Variants in DNAH14 observed in about 807,000 individuals in gnomAD.
The protein encoded by DNAH14 is axonemal beta dynein heavy chain 14.
Under a neutral mutation model 520.9 loss-of-function variants are expected in DNAH14, and 478 were observed. The observed-to-expected ratio is 0.92, with a 90% confidence interval of 0.85 to 0.99. DNAH14 has a LOEUF of 0.99. DNAH14 is among the 50% of genes least tolerant of loss of function. The pLI is 0.00. For missense variants in DNAH14, 4,831 were observed against 5,234.5 expected (o/e 0.92, Z 2.38); for synonymous variants, 1,581 against 1,757.2 (o/e 0.90, Z 2.51).
intron 56 of DNAH14, among the ~76,000 whole-genome samples, chr1:225,302,434 G>T (rs1353483055): frequency 1.3e-5 from 2 of 152,124 alleles, no homozygotes; most frequent in African/African-American, 4.8e-5. Context: ...GACAAAATAA[G>T]TTGCTTGATG....
rs2087235452 is a variant in DNAH14, at chr1:225,204,200, C to T, written c.5904C>T (p.Ser1968=). 1 of 1,464,342 alleles carries T rather than the reference C, an allele frequency of 6.8e-7. No homozygotes were observed. The highest frequency in any genetic ancestry group is 9.0e-7 in the Non-Finnish European group (1 of 1,115,310). 90.7% of individuals were successfully genotyped at this position (1,464,342 alleles called of 1,614,324 possible). The change falls in exon 39 of 86, where the codon TCC becomes TCT. Residue 1968 remains serine (S), a synonymous_variant. Coordinates refer to ENST00000682510, the MANE Select transcript of DNAH14 (RefSeq NM_001367479.1). ...SDLSNVFKLD[S]SDTTETDDNI... ...TATTTTAGGTTTTCAAACTTGATTC[C>T]TCTGATACAACAGAGACTGATGATA...
intron 26 of DNAH14, among the ~76,000 whole-genome samples, chr1:225,119,935 C>CATAT (rs766761717): frequency 4.1e-4 from 63 of 152,178 alleles, no homozygotes; most frequent in Non-Finnish European, 2.9e-4. Context: ...GATTTACTTA[C>CATAT]ATAAATAACC....
intron 15 of DNAH14, among the ~76,000 whole-genome samples, chr1:225,048,427 A>T (rs919901002): frequency 2.6e-5 from 4 of 152,194 alleles, no homozygotes; most frequent in Non-Finnish European, 5.9e-5. Flanking sequence ...GCCTGAGCCC[A>T]GGAGGTCAAG....
intron 26 of DNAH14, among the ~76,000 whole-genome samples, chr1:225,120,541 G>A (rs1045888726): frequency 6.6e-6 from 1 of 152,210 alleles, no homozygotes; most frequent in African/African-American, 2.4e-5. Flanking sequence ...TTTTGTTTGA[G>A]TCAAATTGTA....
At chr1:225,178,207 T>C (rs1037115571) in intron 36 of DNAH14, among the ~76,000 whole-genome samples, 1 of 152,206 alleles carries the variant, frequency 6.6e-6, no homozygotes, top group Non-Finnish European at 1.5e-5. Flanking sequence ...GGAATGGCTA[T>C]GTATTAGTCT....
At chr1:225,052,651 TCA>T (rs2068653486) in intron 17 of DNAH14, among the ~76,000 whole-genome samples, 1 of 152,018 alleles carries the variant, frequency 6.6e-6, no homozygotes, top group Non-Finnish European at 1.5e-5. Flanking sequence ...AGGTGAACAA[TCA>T]CAGACAATTT....
At chr1:225,018,420 A>G (rs2065387711) in intron 10 of DNAH14, among the ~76,000 whole-genome samples, 1 of 152,220 alleles carries the variant, frequency 6.6e-6, no homozygotes, top group Non-Finnish European at 1.5e-5. Flanking sequence ...AAGGTTCTTA[A>G]CCAGATTGAG....
chr1:225,380,436 G>T (rs2095765354), intron 80 of DNAH14, 114 bp downstream of exon 80: 2 of 1,203,906 alleles, frequency 1.7e-6, no homozygotes, highest in Admixed American at 6.4e-5. Context: ...AAAATACTGA[G>T]ATAAGATGGA....
intron 75 of DNAH14, among the ~76,000 whole-genome samples, chr1:225,362,886 A>T (rs1008223154): frequency 2.0e-5 from 3 of 152,208 alleles, no homozygotes; most frequent in African/African-American, 7.2e-5. Flanking sequence ...CAAAATATGC[A>T]GCATAATTAT....
chr1:225,248,724 T>C (rs949965070), intron 43 of DNAH14, among the ~76,000 whole-genome samples: 5 of 152,136 alleles, frequency 3.3e-5, no homozygotes, highest in African/African-American at 1.2e-4. Context: ...GCAGTTCAAC[T>C]TGAGGAAGGA....
chr1:224,967,435 C>A lies in DNAH14; in HGVS notation c.503C>A (p.Pro168His). ...TTATTTTTTTTTTAATCTCAGAAACCTTTGGAAGATGATGGAGAATTTGTT... is the reference window on the plus strand; with the variant it reads ...TTATTTTTTTTTTAATCTCAGAAACATTTGGAAGATGATGGAGAATTTGTT... ...IAIQKITLKK[P>H]LEDDGEFVYC... is the part of the protein sequence containing the mutation. The change falls in exon 6 of 86, where the codon CCT becomes CAT. Residue 168 changes from proline (P) to histidine (H), a missense_variant. By Grantham distance (77) the Pro-to-His change is moderately conservative. Coordinates refer to ENST00000682510, the MANE Select transcript of DNAH14 (RefSeq NM_001367479.1). The A allele has an allele frequency of 6.5e-7, 1 of 1,529,492 alleles. No homozygotes were observed. Among genetic ancestry groups the A allele is most frequent in the Non-Finnish European group, 8.7e-7 (1 of 1,146,612 alleles). The allele number at this position is 1,529,492 out of a possible 1,614,324, so 94.7% of individuals were successfully genotyped here. A position where few individuals can be genotyped will look rare whatever the true frequency, so the allele number is the denominator to read the frequency against.
intron 55 of DNAH14, among the ~76,000 whole-genome samples, chr1:225,294,858 A>G (rs1227374775): frequency 6.6e-6 from 1 of 151,200 alleles, no homozygotes; most frequent in African/African-American, 2.4e-5. Context: ...TTCAGCAGTG[A>G]GGCCATCCAG....
At chr1:225,155,365 G>A (rs1006763122) in intron 34 of DNAH14, among the ~76,000 whole-genome samples, 1 of 151,996 alleles carries the variant, frequency 6.6e-6, no homozygotes, top group East Asian at 1.9e-4. Context: ...GTATAAAAAG[G>A]GAGCAAAGGA....
At chr1:225,362,967 T>C (rs1480016000) in intron 75 of DNAH14, among the ~76,000 whole-genome samples, 1 of 152,164 alleles carries the variant, frequency 6.6e-6, no homozygotes, top group Non-Finnish European at 1.5e-5. Flanking sequence ...TAAACTCATT[T>C]AGTGGGATTA....
At chr1:225,078,894 CTCT>C (rs2072756263) in intron 17 of DNAH14, among the ~76,000 whole-genome samples, 6 of 136,918 alleles carry the variant, frequency 4.4e-5, no homozygotes, top group African/African-American at 1.7e-4. Flanking sequence ...CTCTCTCTCT[CTCT>C]CCCCGCTTTT....
chr1:224,953,236 C>T (rs546170199), intron 2 of DNAH14, among the ~76,000 whole-genome samples: 2 of 151,796 alleles, frequency 1.3e-5, no homozygotes, highest in African/African-American at 2.4e-5. Flanking sequence ...GATTCTCCAA[C>T]CTCAGCCCCC....
chr1:225,017,146 G>A (rs963304410), intron 10 of DNAH14, among the ~76,000 whole-genome samples: 3 of 152,076 alleles, frequency 2.0e-5, no homozygotes, highest in African/African-American at 7.2e-5. Context: ...GTTGGAGGAT[G>A]ATCCCTTTAT....
At chr1:225,294,274 C>T (rs1173750202) in intron 55 of DNAH14, among the ~76,000 whole-genome samples, 1 of 152,024 alleles carries the variant, frequency 6.6e-6, no homozygotes, top group Non-Finnish European at 1.5e-5. Flanking sequence ...TCCTTGCATT[C>T]CTGACATAAA....
chr1:225,388,695 G>A (rs1323626043), intron 82 of DNAH14, among the ~76,000 whole-genome samples: 1 of 152,176 alleles, frequency 6.6e-6, no homozygotes, highest in African/African-American at 2.4e-5. Context: ...CACTCCAAGA[G>A]ACAGTTATGA....
Sources: allele counts gnomAD v4.1 joint callset (sites outside exome capture counted in the v4.1 genomes callset), GRCh38; gene constraint gnomAD v4.1.1; transcripts MANE v1.5; gene names NCBI Gene and HGNC (gene_info 2026-07-23, HGNC 2026-07-21).